The following RPA1 variants were observed in gnomAD, a reference collection of about 807,000 sequenced individuals.
The protein encoded by RPA1 is replication protein A1, also known as replication protein A 70 kDa DNA-binding subunit.
Under a neutral mutation model 83.0 loss-of-function variants are expected in RPA1, and 49 were observed. The ratio of observed to expected loss-of-function variants is 0.59; its 90% CI spans 0.47 to 0.75. The LOEUF is 0.75. Ranked by LOEUF, RPA1 falls within the 30% of genes least tolerant of loss-of-function variation. The probability of loss-of-function intolerance (pLI) is 0.00; values close to 1 mark genes in which losing one functional copy is unlikely to be tolerated. For missense variants in RPA1, 693 were observed against 776.1 expected (o/e 0.89, Z 1.27); for synonymous variants, 279 against 281.8 (o/e 0.99, Z 0.10).
In RPA1 at chr17:1,879,423, A is replaced by G. The variant is rs375151484; in HGVS notation, c.952+16A>G. ...TCACTTGTAGGTAAGCTCGTGTATG[A>G]GAAGGAAGAGCAGGGATGACTAGCT... On this transcript the variant is annotated intron_variant, in intron 10 of 16. Transcript: ENST00000254719. 6.2e-7 allele frequency: 1 copy of G among 1,613,164 alleles called. No individual in the cohort carries two copies. Among genetic ancestry groups the G allele is most frequent in the Non-Finnish European group, 8.5e-7 (1 of 1,179,352 alleles).
intron 12 of RPA1, 51 bp from the exon 13 acceptor site, chr17:1,883,761 A>C: frequency 6.2e-7 from 1 of 1,609,372 alleles, no homozygotes; most frequent in Non-Finnish European, 8.5e-7. Flanking sequence ...GTGGAGAAGC[A>C]GAAGCATGTC....
chr17:1,836,107 C>G (rs1357163297), intron 1 of RPA1, among the ~76,000 whole-genome samples: 2 of 73,250 alleles, frequency 2.7e-5, no homozygotes, highest in Non-Finnish European at 1.1e-4. Flanking sequence ...TAAATTGCAC[C>G]TTTTTTATTT....
At position 1,898,627 on chromosome 17, in the gene RPA1, C is replaced by G. The variant is rs1024762209; in HGVS notation, c.*1452C>G. Reference sequence around the variant, plus strand: ...ATGGTGTCCTGTCTGTCTCCCCCCTCGGTGTCTGCCGTTGACATAGGGGCC... The same window carrying G: ...ATGGTGTCCTGTCTGTCTCCCCCCTGGGTGTCTGCCGTTGACATAGGGGCC... On this transcript the variant is annotated 3_prime_UTR_variant, in exon 17 of 17. Transcript: ENST00000254719. 6.6e-6 allele frequency: 1 copy of G among 152,252 alleles called. No individual in the cohort carries two copies. The highest frequency in any genetic ancestry group is 2.4e-5 in the African/African-American group (1 of 41,448). 9.4% of individuals were successfully genotyped at this position (152,252 alleles called of 1,614,324 possible). A position where few individuals can be genotyped will look rare whatever the true frequency, so the allele number is the denominator to read the frequency against.
chr17:1,830,343 C>G (rs1475757301), intron 1 of RPA1, among the ~76,000 whole-genome samples: 1 of 152,222 alleles, frequency 6.6e-6, no homozygotes, highest in Non-Finnish European at 1.5e-5. Context: ...TCACATTTTT[C>G]CTACGTAAGA....
intron 5 of RPA1, among the ~76,000 whole-genome samples, chr17:1,854,797 A>G (rs1185118204): frequency 1.3e-5 from 2 of 152,162 alleles, no homozygotes; most frequent in Non-Finnish European, 2.9e-5. Context: ...TATTTATTGA[A>G]TTTTTTTACA....
At chr17:1,834,170 A>C (rs531048594) in intron 1 of RPA1, among the ~76,000 whole-genome samples, 246 of 152,246 alleles carry the variant, frequency 1.6e-3, no homozygotes, top group Middle Eastern at 6.8e-3. Flanking sequence ...ACAGAGTGAG[A>C]CTGTCTCAAA....
chr17:1,893,081 G>C (rs1156366219), intron 15 of RPA1, among the ~76,000 whole-genome samples: 1 of 152,124 alleles, frequency 6.6e-6, no homozygotes, highest in Non-Finnish European at 1.5e-5. Flanking sequence ...GTCTGTTTGG[G>C]CTCTGCCCTG....
Position 1,897,557 on chromosome 17 carries a change from C to A in RPA1, c.*382C>A, listed in dbSNP as rs558124061. 6 of 164,938 alleles carry A rather than the reference C, an allele frequency of 3.6e-5. No homozygotes were observed. The highest frequency in any genetic ancestry group is 2.3e-4 in the Admixed American group (4 of 17,640). 10.2% of individuals were successfully genotyped at this position (164,938 alleles called of 1,614,324 possible). ...TGCTTCTCCAGTGGTGACCACCCCC[C>A]CCCATCCCCGCTCACAACTTGGGTT... On this transcript the variant is annotated 3_prime_UTR_variant, in exon 17 of 17. Transcript: ENST00000254719.
chr17:1,868,956 A>C (rs1417911059), intron 5 of RPA1, among the ~76,000 whole-genome samples: 4 of 152,224 alleles, frequency 2.6e-5, no homozygotes, highest in African/African-American at 9.6e-5. Context: ...ACAATACTTA[A>C]TTATTAGTGT....
At chr17:1,867,867 C>T (rs1359270357) in intron 5 of RPA1, among the ~76,000 whole-genome samples, 1 of 151,866 alleles carries the variant, frequency 6.6e-6, no homozygotes, top group East Asian at 1.9e-4. Context: ...TCAGTTGCGC[C>T]CAGGAGTTAA....
chr17:1,883,172 T>C (rs1597454541), intron 12 of RPA1, among the ~76,000 whole-genome samples: 1 of 152,208 alleles, frequency 6.6e-6, no homozygotes, highest in African/African-American at 2.4e-5. Flanking sequence ...AATTTTTTTT[T>C]CGAGACGGAG....
At position 1,895,098 on chromosome 17, in the gene RPA1, A is replaced by G. The variant is rs771966070; in HGVS notation, c.1746+3A>G. ...GGGTCAAAGTGGAGACCTACAACGT[A>G]AGTAAGGGCCTGGGCAGCAGGGTTG... is the stretch of plus-strand genomic sequence containing the variant. On this transcript the variant is annotated splice_donor_region_variant and intron_variant, in intron 16 of 16. Coordinates refer to ENST00000254719, the MANE Select transcript of RPA1 (RefSeq NM_002945.5). 22 of 1,612,016 alleles carry G rather than the reference A, an allele frequency of 1.4e-5. No homozygotes were observed. The highest frequency in any genetic ancestry group is 1.8e-5 in the Non-Finnish European group (21 of 1,178,560).
At chr17:1,837,595 A>C (rs1911874411) in intron 1 of RPA1, among the ~76,000 whole-genome samples, 1 of 152,210 alleles carries the variant, frequency 6.6e-6, no homozygotes, top group African/African-American at 2.4e-5. Flanking sequence ...CTTGCCAGTC[A>C]TCAGTCTTTG....
chr17:1,897,243 G>A lies in RPA1; in HGVS notation c.*68G>A, dbSNP rs549143834. On this transcript the variant is annotated 3_prime_UTR_variant, in exon 17 of 17. Transcript: ENST00000254719. ...ATGGAATCGATTTCCTCCCACCTCC[G>A]TGTGACGATCCCATGTTAGCTACAC... 3.0e-5 allele frequency: 36 copies of A among 1,192,988 alleles called. No homozygotes were observed. Among genetic ancestry groups the A allele is most frequent in the Non-Finnish European group, 4.2e-5 (35 of 840,068 alleles). The allele number at this position is 1,192,988 out of a possible 1,614,324, so 73.9% of individuals were successfully genotyped here.
At chr17:1,874,885 A>G (rs1175753262) in intron 6 of RPA1, among the ~76,000 whole-genome samples, 2 of 152,234 alleles carry the variant, frequency 1.3e-5, no homozygotes, top group African/African-American at 4.8e-5. Flanking sequence ...TTTTAGCCAA[A>G]TTCTATTCTG....
chr17:1,843,877 C>T lies in RPA1; in HGVS notation c.85-43C>T, dbSNP rs747076343. On this transcript the variant is annotated intron_variant, in intron 2 of 16. Coordinates refer to ENST00000254719, the MANE Select transcript of RPA1 (RefSeq NM_002945.5). ...ACTTCGGTTTACGTATCCCTGGGGA[C>T]GGGGCAGACAACCTGGCTAATGAAT... is the stretch of plus-strand genomic sequence containing the variant. 1.2e-5 allele frequency: 18 copies of T among 1,548,102 alleles called. No homozygotes were observed. The Admixed American group carries it at 1.4e-4, about 12-fold the overall frequency.
rs947713491 is a variant in RPA1, at chr17:1,877,398, G to A, written c.690+84G>A. The A allele has an allele frequency of 2.6e-5, 32 of 1,208,980 alleles. 1 individual carries two copies. Among genetic ancestry groups the A allele is most frequent in the South Asian group, 1.0e-4 (8 of 78,076 alleles). The allele number at this position is 1,208,980 out of a possible 1,614,324, so 74.9% of individuals were successfully genotyped here. A position where few individuals can be genotyped will look rare whatever the true frequency, so the allele number is the denominator to read the frequency against. On this transcript the variant is annotated intron_variant, in intron 8 of 16. Transcript: ENST00000254719. ...CAGCTCTGCGGAGGGCAGTGGGCTC[G>A]CTGGGAAACAGAAGGCTCAGCTCTG... is the stretch of plus-strand genomic sequence containing the variant.
chr17:1,830,079 C>T lies in RPA1; in HGVS notation c.-15C>T, dbSNP rs199745920. ...GCTGTTGCGGGGTCCGCGGGGAAGT[C>T]TTGGCGGTGGAGCCATGGTCGGCCA... On this transcript the variant is annotated 5_prime_UTR_variant, in exon 1 of 17. Coordinates refer to ENST00000254719, the MANE Select transcript of RPA1 (RefSeq NM_002945.5). 1.4e-4 allele frequency: 173 copies of T among 1,250,016 alleles called. No homozygotes were observed. In the African/African-American group the frequency reaches 2.5e-3, roughly 18 times the overall value. 77.4% of individuals were successfully genotyped at this position (1,250,016 alleles called of 1,614,324 possible).
chr17:1,846,731 C>T (rs1912274997), intron 4 of RPA1, among the ~76,000 whole-genome samples: 1 of 152,148 alleles, frequency 6.6e-6, no homozygotes, highest in Non-Finnish European at 1.5e-5. Flanking sequence ...TTCTATTTCA[C>T]TTATTGAGTT....
Sources: gnomAD v4.1 joint callset for allele counts (sites outside exome capture counted in the v4.1 genomes callset) on GRCh38, gnomAD v4.1.1 for gene constraint, MANE v1.5 for transcripts, NCBI Gene and HGNC (gene_info 2026-07-23, HGNC 2026-07-21) for gene names.